Variants in SLC6A15 observed in about 807,000 individuals in gnomAD.
The protein encoded by SLC6A15 is sodium-dependent neutral amino acid transporter B(0)AT2.
Under a neutral mutation model 68.5 loss-of-function variants are expected in SLC6A15, and 33 were observed. That is an observed-to-expected ratio of 0.48 (90% CI 0.37 to 0.64). SLC6A15 has a LOEUF of 0.64. Among genes scored for constraint, SLC6A15 ranks in the 30% least tolerant of loss-of-function variants. The pLI is 0.00. For missense variants in SLC6A15, 747 were observed against 874.3 expected (o/e 0.85, Z 1.84); for synonymous variants, 347 against 301.0 (o/e 1.15, Z -1.58).
At chr12:84,885,393 A>G in intron 4 of SLC6A15, 42 bp downstream of exon 4, 1 of 1,526,904 alleles carries the variant, frequency 6.5e-7, no homozygotes. Context: ...TGCCACTCTT[A>G]TAATGCTTAA....
intron 5 of SLC6A15, chr12:84,882,512 A>G (rs2120628746): frequency 1.1e-6 from 1 of 884,212 alleles, no homozygotes; most frequent in East Asian, 1.2e-4. Flanking sequence ...AAAATTTTTA[A>G]TTAAATATAA....
At chr12:84,874,216 T>G (rs1871414309) in intron 6 of SLC6A15, among the ~76,000 whole-genome samples, 1 of 152,130 alleles carries the variant, frequency 6.6e-6, no homozygotes, top group Non-Finnish European at 1.5e-5. Context: ...GATTCTGCCA[T>G]TTAGTAATTT....
intron 10 of SLC6A15, among the ~76,000 whole-genome samples, chr12:84,865,853 T>C (rs1033774656): frequency 6.6e-6 from 1 of 152,212 alleles, no homozygotes; most frequent in Non-Finnish European, 1.5e-5. Flanking sequence ...ATATCTTGTT[T>C]GCCTCCAAGT....
At chr12:84,883,101 A>G (rs1205747718) in intron 5 of SLC6A15, 1 of 984,428 alleles carries the variant, frequency 1.0e-6, no homozygotes, top group Non-Finnish European at 1.2e-6. Flanking sequence ...AATTCTTGCT[A>G]TGATCCAGCC....
chr12:84,910,296 TA>T (rs376105078), intron 1 of SLC6A15, among the ~76,000 whole-genome samples: 17 of 150,936 alleles, frequency 1.1e-4, no homozygotes, highest in South Asian at 2.1e-4. Context: ...CCTGTCATCC[TA>T]AAAAAAAACA....
In SLC6A15 at chr12:84,865,413, C is replaced by T. The variant is rs73170061; in HGVS notation, c.1655+1621G>A. On this transcript the variant is annotated intron_variant, in intron 10 of 11. Transcript: ENST00000266682. ...CCTCCTCCATTATCAGCAACCCCCA[C>T]GAGAGTGGAATGTTGGTTACAATTG... Among the ~76,000 whole-genome samples, 1,226 of 152,280 alleles carry T rather than the reference C, an allele frequency of 8.1e-3. 9 individuals carry two copies. Among genetic ancestry groups the T allele is most frequent in the Non-Finnish European group, 0.013 (861 of 68,022 alleles).
Position 84,903,436 on chromosome 12 carries a change from TA to T in SLC6A15, c.-189+9086del, listed in dbSNP as rs998527040. Among the ~76,000 whole-genome samples, 10 of 151,954 alleles carry T rather than the reference TA, an allele frequency of 6.6e-5. No individual in the cohort carries two copies. The East Asian group carries it at 7.7e-4, about 12-fold the overall frequency. Reference sequence around the variant, plus strand: ...AATATGCCCTAAAAAACATTGAGAATAAAAAAAATTACTTCAAATTTAATGT... The same window carrying T: ...AATATGCCCTAAAAAACATTGAGAATAAAAAAATTACTTCAAATTTAATGT... On this transcript the variant is annotated intron_variant, in intron 1 of 11. Transcript: ENST00000266682.
In SLC6A15 at chr12:84,883,992, T is replaced by C. The variant is rs1316396343; in HGVS notation, c.623A>G (p.Tyr208Cys). 6.2e-7 allele frequency: 1 copy of C among 1,614,214 alleles called. No homozygotes were observed. Among genetic ancestry groups the C allele is most frequent in the Admixed American group, 1.7e-5 (1 of 60,030 alleles). Reference protein sequence around the residue: ...EQSSATTYYWYREALNISSSI... With the variant: ...EQSSATTYYWCREALNISSSI... ...ACTTGAAATATTCAGTGCTTCCCTG[T>C]ACCAGTAATAGGTGGTGGCAGAACT... is the stretch of plus-strand genomic sequence containing the variant. Residue 208 changes from tyrosine to cysteine, a missense_variant, in exon 5 of 12, where the codon TAC becomes TGC. By Grantham distance (194) the Tyr-to-Cys change is radical. Coordinates refer to ENST00000266682, the MANE Select transcript of SLC6A15 (RefSeq NM_182767.6).
At chr12:84,868,756 AAATAAGTCTTC>A (rs1871166206) in intron 9 of SLC6A15, among the ~76,000 whole-genome samples, 1 of 152,166 alleles carries the variant, frequency 6.6e-6, no homozygotes, top group Non-Finnish European at 1.5e-5. Flanking sequence ...TGCTCTTTCC[AAATAAGTCTTC>A]CAGAAGGTCT....
chr12:84,866,334 A>G (rs1036026138), intron 10 of SLC6A15, among the ~76,000 whole-genome samples: 3 of 152,130 alleles, frequency 2.0e-5, no homozygotes, highest in East Asian at 3.9e-4. Context: ...TACACTTTTC[A>G]CATCAGTGTA....
intron 11 of SLC6A15, 34 bp from the exon 12 acceptor site, chr12:84,862,040 C>A: frequency 6.6e-7 from 1 of 1,526,024 alleles, no homozygotes; most frequent in South Asian, 1.3e-5. Context: ...TATTAGTAAT[C>A]TATCTTTCTT....
intron 2 of SLC6A15, among the ~76,000 whole-genome samples, chr12:84,889,567 T>G (rs1243004312): frequency 6.6e-6 from 1 of 152,108 alleles, no homozygotes; most frequent in African/African-American, 2.4e-5. Flanking sequence ...CTTTGGGTCT[T>G]CATTTCTGAA....
At chr12:84,910,465 T>C (rs1873384089) in intron 1 of SLC6A15, among the ~76,000 whole-genome samples, 1 of 152,144 alleles carries the variant, frequency 6.6e-6, no homozygotes, top group Non-Finnish European at 1.5e-5. Context: ...GATGGTCAAA[T>C]ATCTTGAATT....
intron 10 of SLC6A15, among the ~76,000 whole-genome samples, chr12:84,864,329 T>C (rs1365326664): frequency 5.4e-5 from 8 of 149,242 alleles, no homozygotes; most frequent in Admixed American, 3.3e-4. Context: ...TCTTTTTTTT[T>C]TTTTTTTTTG....
chr12:84,863,352 A>T (rs568738833), intron 11 of SLC6A15, 87 bp downstream of exon 11: 2 of 984,278 alleles, frequency 2.0e-6, no homozygotes, highest in South Asian at 3.5e-5. Context: ...ACAGCAAAAA[A>T]TACTGTGATG....
At chr12:84,907,641 G>A (rs528180330) in intron 1 of SLC6A15, among the ~76,000 whole-genome samples, 18 of 152,196 alleles carry the variant, frequency 1.2e-4, no homozygotes, top group Middle Eastern at 6.8e-3. Context: ...GGAAAAGTTC[G>A]ACTGTTCATT....
At chr12:84,882,199 T>C (rs927316561) in intron 5 of SLC6A15, 91 of 985,166 alleles carry the variant, frequency 9.2e-5, no homozygotes, top group Non-Finnish European at 1.1e-4. Flanking sequence ...ATGACCACAG[T>C]TGGTTTTCTT....
Position 84,863,600 on chromosome 12 carries a change from A to G in SLC6A15, c.1657T>C (p.Phe553Leu). The change falls in exon 11 of 12, where the codon TTT (phenylalanine) becomes CTT (leucine). Residue 553 changes from phenylalanine (F) to leucine (L), a missense_variant and splice_region_variant. Physicochemically the swap from Phe to Leu is conservative, Grantham distance 22. Transcript: ENST00000266682. ...AGCATATCTTTTAGGTCTTCCATAA[A>G]CCTGAATAAAAAGAAAGTATTTAAT... ...AVCFVYGIDK[F>L]MEDLKDMLGF... The G allele has an allele frequency of 6.6e-7, 1 of 1,522,054 alleles. No homozygotes were observed. Among genetic ancestry groups the G allele is most frequent in the Non-Finnish European group, 8.8e-7 (1 of 1,142,714 alleles). 94.3% of individuals were successfully genotyped at this position (1,522,054 alleles called of 1,614,324 possible). A position where few individuals can be genotyped will look rare whatever the true frequency, so the allele number is the denominator to read the frequency against.
At chr12:84,885,032 T>A (rs1872021541) in intron 4 of SLC6A15, among the ~76,000 whole-genome samples, 1 of 151,756 alleles carries the variant, frequency 6.6e-6, no homozygotes, top group Admixed American at 6.6e-5. Flanking sequence ...TTTAAAAAAA[T>A]GATGGGAAAA....
Sources: gnomAD v4.1 joint callset for allele counts (sites outside exome capture counted in the v4.1 genomes callset) on GRCh38, gnomAD v4.1.1 for gene constraint, MANE v1.5 for transcripts, NCBI Gene and HGNC (gene_info 2026-07-23, HGNC 2026-07-21) for gene names.